Variants in AFF3 observed in about 807,000 individuals in gnomAD.
AFF3 encodes the protein ALF transcription elongation factor 3, also known as AF4/FMR2 family member 3.
In AFF3, 32 loss-of-function variants were observed where a neutral mutation model predicts 129.7. The ratio of observed to expected loss-of-function variants is 0.25; its 90% CI spans 0.19 to 0.33. The LOEUF (loss-of-function observed/expected upper bound fraction) is 0.33, where lower values mean the gene tolerates loss of function less well. Among genes scored for constraint, AFF3 ranks in the 10% least tolerant of loss-of-function variants. The pLI is 1.00. For missense variants in AFF3, 1,373 were observed against 1,592.0 expected (o/e 0.86, Z 2.34); for synonymous variants, 644 against 635.4 (o/e 1.01, Z -0.20).
intron 4 of AFF3, among the ~76,000 whole-genome samples, chr2:100,065,032 C>T (rs1687604298): frequency 6.6e-6 from 1 of 152,228 alleles, no homozygotes; most frequent in African/African-American, 2.4e-5. Flanking sequence ...GACAAGTTAA[C>T]CTTCTAACTC....
intron 8 of AFF3, among the ~76,000 whole-genome samples, chr2:99,760,933 CTTT>C (rs1012629210): frequency 6.9e-6 from 1 of 145,230 alleles, no homozygotes. Flanking sequence ...CTTTTTTTTC[CTTT>C]TTTTTTTTGA....
chr2:99,631,004 T>C (rs1293441566), intron 13 of AFF3: 1 of 462,534 alleles, frequency 2.2e-6, no homozygotes. Flanking sequence ...AGGAAGCAGC[T>C]ACCAGCTAAG....
At chr2:99,975,924 T>C (rs556378038) in intron 7 of AFF3, among the ~76,000 whole-genome samples, 1 of 140,730 alleles carries the variant, frequency 7.1e-6, no homozygotes, top group Non-Finnish European at 1.5e-5. Flanking sequence ...AAAATGAAAC[T>C]AAGAGATTCT....
intron 12 of AFF3, among the ~76,000 whole-genome samples, chr2:99,668,314 C>A (rs748776650): frequency 2.0e-5 from 3 of 151,562 alleles, no homozygotes; most frequent in Non-Finnish European, 4.4e-5. Flanking sequence ...TGGGATTACA[C>A]GTGCACACCA....
intron 7 of AFF3, among the ~76,000 whole-genome samples, chr2:99,895,434 C>A (rs969665923): frequency 1.3e-5 from 2 of 152,166 alleles, no homozygotes; most frequent in Non-Finnish European, 1.5e-5. Context: ...AATTTAGATA[C>A]GCTGAAGTGC....
intron 11 of AFF3, among the ~76,000 whole-genome samples, chr2:99,682,844 A>T (rs374030941): frequency 8.5e-5 from 13 of 152,370 alleles, no homozygotes; most frequent in African/African-American, 3.1e-4. Context: ...ACAGTGAAGC[A>T]GGTGCAGAAG....
chr2:99,844,306 C>T (rs1218239991), intron 7 of AFF3, among the ~76,000 whole-genome samples: 2 of 152,084 alleles, frequency 1.3e-5, no homozygotes, highest in Non-Finnish European at 2.9e-5. Flanking sequence ...TTCGTACATT[C>T]ACAATGTTGT....
chr2:99,948,757 T>A (rs567403860), intron 7 of AFF3, among the ~76,000 whole-genome samples: 6 of 151,978 alleles, frequency 3.9e-5, no homozygotes, highest in African/African-American at 1.4e-4. Flanking sequence ...TTAAAACCAG[T>A]CTCAAAACAC....
At chr2:100,064,727 C>T (rs1687580379) in intron 4 of AFF3, among the ~76,000 whole-genome samples, 2 of 152,236 alleles carry the variant, frequency 1.3e-5, no homozygotes, top group African/African-American at 4.8e-5. Context: ...TACAAAAATA[C>T]ATCGTCATGC....
intron 8 of AFF3, among the ~76,000 whole-genome samples, chr2:99,816,915 G>A (rs1416437712): frequency 6.6e-6 from 1 of 152,168 alleles, no homozygotes. Flanking sequence ...ATACATTTTG[G>A]TTGCCCTTCC....
intron 7 of AFF3, among the ~76,000 whole-genome samples, chr2:99,851,744 A>G (rs1315501818): frequency 6.6e-6 from 1 of 152,256 alleles, no homozygotes; most frequent in Non-Finnish European, 1.5e-5. Flanking sequence ...ACATAATTGT[A>G]GCAATAAAAG....
In AFF3 at chr2:99,771,551, T is replaced by C. The variant is rs367860526; in HGVS notation, c.922-19250A>G. 3.3e-5 allele frequency among the ~76,000 whole-genome samples: 5 copies of C among 152,162 alleles called. No individual in the cohort carries two copies. The South Asian group carries it at 6.2e-4, about 19-fold the overall frequency. ...TGGATACAGCAACACATTCTAGAGA[T>C]GCAAAGTTCCAACAAAAGCATTTTA... is the stretch of plus-strand genomic sequence containing the variant. On this transcript the variant is annotated intron_variant, in intron 8 of 24. Coordinates refer to ENST00000672756, the MANE Select transcript of AFF3 (RefSeq NM_001386135.1).
intron 7 of AFF3, among the ~76,000 whole-genome samples, chr2:99,911,157 T>C (rs1695086646): frequency 6.6e-6 from 1 of 152,198 alleles, no homozygotes; most frequent in Non-Finnish European, 1.5e-5. Flanking sequence ...ATTCTGTTAG[T>C]TGTCTGATGC....
At chr2:99,692,735 C>T (rs1675800078) in intron 11 of AFF3, among the ~76,000 whole-genome samples, 1 of 147,500 alleles carries the variant, frequency 6.8e-6, no homozygotes, top group Admixed American at 6.7e-5. Context: ...TGGACTGAGC[C>T]CTGGCAGATC....
At chr2:99,740,345 G>A (rs1477285152) in intron 10 of AFF3, among the ~76,000 whole-genome samples, 7 of 151,426 alleles carry the variant, frequency 4.6e-5, no homozygotes, top group Middle Eastern at 3.2e-3. Flanking sequence ...GGATGGCTGC[G>A]TCAAATGGTA....
chr2:100,054,368 G>A (rs1343330036), intron 4 of AFF3, among the ~76,000 whole-genome samples: 1 of 152,212 alleles, frequency 6.6e-6, no homozygotes, highest in Non-Finnish European at 1.5e-5. Context: ...GAGTAAAGCA[G>A]GTTGCCCTCC....
At chr2:99,557,850 G>T (rs1010546105) in intron 22 of AFF3, among the ~76,000 whole-genome samples, 5 of 152,198 alleles carry the variant, frequency 3.3e-5, no homozygotes, top group African/African-American at 1.2e-4. Context: ...GGCATGAACA[G>T]ATCTCAAATG....
rs1393614376 is a variant in AFF3, at chr2:99,545,972, T to C, written c.*5502A>G. The C allele has an allele frequency of 1.4e-5, 3 of 215,964 alleles. No individual in the cohort carries two copies. Among genetic ancestry groups the C allele is most frequent in the Non-Finnish European group, 2.8e-5 (3 of 107,158 alleles). The allele number at this position is 215,964 out of a possible 1,614,324, so 13.4% of individuals were successfully genotyped here. On this transcript the variant is annotated 3_prime_UTR_variant, in exon 25 of 25. Transcript: ENST00000672756. ...ACAAAGGGAACACAAATCTCAAGTC[T>C]GAACATTTCTTGTGCTATTTGCCAG...
chr2:99,815,518 C>T (rs1049330326), intron 8 of AFF3, among the ~76,000 whole-genome samples: 2 of 152,158 alleles, frequency 1.3e-5, no homozygotes, highest in African/African-American at 2.4e-5. Flanking sequence ...ATTTCTGATG[C>T]TCTTATTTTC....
Sources: gnomAD v4.1 joint callset for allele counts (sites outside exome capture counted in the v4.1 genomes callset) on GRCh38, gnomAD v4.1.1 for gene constraint, MANE v1.5 for transcripts, NCBI Gene and HGNC (gene_info 2026-07-23, HGNC 2026-07-21) for gene names.